Variants in RAB6A observed in about 807,000 individuals in gnomAD.
RAB6A encodes the protein ras-related protein Rab-6A.
RAB6A carries 8 observed loss-of-function variants against 32.3 expected under a neutral mutation model. That is an observed-to-expected ratio of 0.25 (90% CI 0.15 to 0.45). The LOEUF is 0.45. RAB6A is among the 20% of genes least tolerant of loss of function. RAB6A has a pLI of 1.00. For missense variants in RAB6A, 104 were observed against 249.4 expected (o/e 0.42, Z 3.93); for synonymous variants, 73 against 82.1 (o/e 0.89, Z 0.60).
At chr11:73,715,284 G>A (rs1946035862) in intron 5 of RAB6A, among the ~76,000 whole-genome samples, 2 of 152,012 alleles carry the variant, frequency 1.3e-5, no homozygotes, top group South Asian at 2.1e-4. Context: ...ATGCCACAGC[G>A]CCCAGCTAAT....
At chr11:73,724,029 T>C (rs1946180425) in intron 2 of RAB6A, among the ~76,000 whole-genome samples, 1 of 152,180 alleles carries the variant, frequency 6.6e-6, no homozygotes. Context: ...TTCTAACAAA[T>C]AGGTTTTTAA....
At chr11:73,720,497 T>C (rs1946118534) in intron 3 of RAB6A, among the ~76,000 whole-genome samples, 1 of 152,156 alleles carries the variant, frequency 6.6e-6, no homozygotes, top group South Asian at 2.1e-4. Flanking sequence ...AACTTCTTTT[T>C]TGTCAGTCAC....
chr11:73,724,251 C>A (rs11235880), intron 2 of RAB6A, among the ~76,000 whole-genome samples: 30,640 of 152,062 alleles, frequency 0.2, 3,196 homozygotes, highest in East Asian at 0.25. Flanking sequence ...TCTTCCATGA[C>A]AAAAACATTC....
chr11:73,732,217 C>T (rs1335812809), intron 1 of RAB6A, among the ~76,000 whole-genome samples: 2 of 152,040 alleles, frequency 1.3e-5, no homozygotes, highest in Admixed American at 6.6e-5. Context: ...GCAAAAAAAA[C>T]CTTATCAATT....
intron 2 of RAB6A, among the ~76,000 whole-genome samples, chr11:73,724,009 C>T (rs935453958): frequency 1.8e-4 from 27 of 152,118 alleles, no homozygotes; most frequent in Non-Finnish European, 7.4e-5. Flanking sequence ...AATTCCTGTA[C>T]AGCAAATATT....
chr11:73,704,141 C>T lies in RAB6A; in HGVS notation c.495+3279G>A, dbSNP rs115266566. ...CTCATACCTATAATCTCGAAATCTT[C>T]GAGGCCAAGTTGGGAGGATCACCTG... On this transcript the variant is annotated intron_variant, in intron 6 of 7. Coordinates refer to ENST00000336083, the MANE Select transcript of RAB6A (RefSeq NM_198896.2). 2.7e-3 allele frequency: 1,039 copies of T among 385,204 alleles called. 7 individuals are homozygous for T. The highest frequency in any genetic ancestry group is 0.018 in the African/African-American group (855 of 48,232). The allele number at this position is 385,204 out of a possible 1,614,324, so 23.9% of individuals were successfully genotyped here.
At chr11:73,751,130 A>G (rs1946663955) in intron 1 of RAB6A, among the ~76,000 whole-genome samples, 1 of 152,050 alleles carries the variant, frequency 6.6e-6, no homozygotes, top group East Asian at 1.9e-4. Flanking sequence ...TAAAAAAGAA[A>G]AGAGTCAGGC....
intron 3 of RAB6A, among the ~76,000 whole-genome samples, chr11:73,719,536 A>G (rs905808979): frequency 1.3e-5 from 2 of 152,172 alleles, no homozygotes; most frequent in Non-Finnish European, 2.9e-5. Flanking sequence ...CGTACTATCC[A>G]TATCTATATT....
At chr11:73,679,460 C>T (rs73538640) in intron 7 of RAB6A, among the ~76,000 whole-genome samples, 194 bp downstream of exon 7, 2 of 152,118 alleles carry the variant, frequency 1.3e-5, no homozygotes, top group East Asian at 1.9e-4. Flanking sequence ...TGATTAACAA[C>T]GAGAAGCAGG....
chr11:73,748,391 T>G (rs1276621647), intron 1 of RAB6A, among the ~76,000 whole-genome samples: 1 of 152,230 alleles, frequency 6.6e-6, no homozygotes, highest in Non-Finnish European at 1.5e-5. Context: ...GCAAAATAGT[T>G]ACAATACGAC....
chr11:73,702,734 T>C (rs1241737830), intron 6 of RAB6A, among the ~76,000 whole-genome samples: 6 of 152,132 alleles, frequency 3.9e-5, no homozygotes, highest in African/African-American at 7.2e-5. Context: ...ACAACATATT[T>C]CCATATCTTC....
At position 73,716,256 on chromosome 11, in the gene RAB6A, G is replaced by T; in HGVS notation, c.396C>A (p.Asp132Glu). The change falls in exon 5 of 8, where the codon GAC becomes GAA. Residue 132 changes from aspartate to glutamate, a missense_variant. Transcript: ENST00000336083. ...MLVGNKTDLA[D>E]KRQVSIEEGE... ...CATATAAAATAACTCCATACCTCTT[G>T]TCAGCAAGATCTGTTTTATTTCCTA... 1 of 1,601,814 alleles carries T rather than the reference G, an allele frequency of 6.2e-7. No individual in the cohort carries two copies. Among genetic ancestry groups the T allele is most frequent in the Non-Finnish European group, 8.6e-7 (1 of 1,169,190 alleles).
At position 73,730,813 on chromosome 11, in the gene RAB6A, TG is replaced by T; in HGVS notation, c.80del (p.Thr27AsnfsTer3). 1 of 1,599,512 alleles carries T rather than the reference TG, an allele frequency of 6.3e-7. No homozygotes were observed. The highest frequency in any genetic ancestry group is 8.5e-7 in the Non-Finnish European group (1 of 1,176,278). On this transcript the variant is annotated frameshift_variant, in exon 2 of 8. Transcript: ENST00000336083. LOFTEE classifies it high-confidence loss of function. ...VFLGEQSVGK[T>X]SLITRFMYDS... is the part of the protein sequence containing the mutation. ...CATACATGAATCTGGTGATCAAAGA[TG>T]TCTTTCCAACTGAAATGAAACGAAA...
chr11:73,699,600 T>G, intron 6 of RAB6A, among the ~76,000 whole-genome samples: 1 of 152,230 alleles, frequency 6.6e-6, no homozygotes, highest in Non-Finnish European at 1.5e-5. Flanking sequence ...TGTATCTTAC[T>G]GTCTGTAGCA....
At chr11:73,724,745 C>T (rs1050936311) in intron 2 of RAB6A, among the ~76,000 whole-genome samples, 6 of 152,140 alleles carry the variant, frequency 3.9e-5, no homozygotes, top group Admixed American at 1.3e-4. Flanking sequence ...CTTGGCCTCC[C>T]GAAGTGCTGG....
chr11:73,694,651 T>C (rs1161087494), intron 6 of RAB6A, among the ~76,000 whole-genome samples: 2 of 152,190 alleles, frequency 1.3e-5, no homozygotes, highest in Non-Finnish European at 2.9e-5. Flanking sequence ...GATGGGATGA[T>C]CACTTGGGCC....
chr11:73,679,683 T>C lies in RAB6A; in HGVS notation c.533A>G (p.Glu178Gly). ...TTCTCTGCTTCTGTCCTGTGTGCTT[T>C]CCATTCCCGGCAAAGCTGCTGCTAC... is the stretch of plus-strand genomic sequence containing the variant. ...RRVAAALPGM[E>G]STQDRSREDM... Residue 178 changes from glutamate to glycine, a missense_variant, in exon 7 of 8, where the codon GAA (glutamate) becomes GGA (glycine). This residue lies in a region of RAB6A where 33 missense variants were observed against 59.5 expected (regional missense o/e 0.55). Coordinates refer to ENST00000336083, the MANE Select transcript of RAB6A (RefSeq NM_198896.2). 6.2e-7 allele frequency: 1 copy of C among 1,614,024 alleles called. No individual in the cohort carries two copies.
At chr11:73,729,478 G>C (rs999690657) in intron 2 of RAB6A, 1 of 151,704 alleles carries the variant, frequency 6.6e-6, no homozygotes, top group Non-Finnish European at 1.5e-5. Flanking sequence ...TTTTTTTCTT[G>C]GTCAGTCTAG....
rs544843396 is a variant in RAB6A at position 73,718,966 on chromosome 11, T to C, written c.184-248A>G. The C allele has an allele frequency of 5.1e-4, 690 of 1,350,214 alleles. 12 individuals are homozygous for C. The South Asian group carries it at 8.5e-3, about 17-fold the overall frequency. The allele number at this position is 1,350,214 out of a possible 1,614,324, so 83.6% of individuals were successfully genotyped here. A position where few individuals can be genotyped will look rare whatever the true frequency, so the allele number is the denominator to read the frequency against. On this transcript the variant is annotated intron_variant, in intron 3 of 7. Transcript: ENST00000336083. ...AAAAGAAAAAAGAAACAATGTTTTT[T>C]GTAAAAGGGAGAGGGTGGGAAGGAA...
Sources: gnomAD v4.1 joint callset for allele counts (sites outside exome capture counted in the v4.1 genomes callset) on GRCh38, gnomAD v4.1.1 for gene constraint, gnomAD v4.1.1 regional missense constraint, MANE v1.5 for transcripts, NCBI Gene and HGNC (gene_info 2026-07-23, HGNC 2026-07-21) for gene names.